Variants in MDGA2 observed in about 807,000 individuals in gnomAD.
MDGA2 encodes the protein MAM domain-containing glycosylphosphatidylinositol anchor protein 2.
Under a neutral mutation model 117.8 loss-of-function variants are expected in MDGA2, and 40 were observed. That is an observed-to-expected ratio of 0.34 (90% CI 0.26 to 0.44). The LOEUF (loss-of-function observed/expected upper bound fraction) is 0.44. Among genes scored for constraint, MDGA2 ranks in the 20% least tolerant of loss-of-function variants. The pLI, the probability that MDGA2 is intolerant of heterozygous loss-of-function variation, is 1.00. For missense variants in MDGA2, 1,123 were observed against 1,250.6 expected (o/e 0.90, Z 1.54); for synonymous variants, 452 against 439.0 (o/e 1.03, Z -0.37).
chr14:46,963,058 T>C (rs1885873057), intron 8 of MDGA2, among the ~76,000 whole-genome samples: 1 of 152,152 alleles, frequency 6.6e-6, no homozygotes, highest in South Asian at 2.1e-4. Flanking sequence ...TTTAGTACCA[T>C]TAAGGAATAT....
chr14:46,904,536 G>A (rs1883417580), intron 10 of MDGA2, among the ~76,000 whole-genome samples: 1 of 152,108 alleles, frequency 6.6e-6, no homozygotes, highest in African/African-American at 2.4e-5. Flanking sequence ...ATAAGGCTAA[G>A]TACTTTTATG....
chr14:47,186,407 C>G (rs1013982963), intron 3 of MDGA2, among the ~76,000 whole-genome samples: 18 of 151,782 alleles, frequency 1.2e-4, no homozygotes, highest in African/African-American at 4.1e-4. Flanking sequence ...TATTAAATAT[C>G]AAATTTCTTA....
chr14:47,156,608 G>A (rs1883399381), intron 3 of MDGA2, among the ~76,000 whole-genome samples: 1 of 152,172 alleles, frequency 6.6e-6, no homozygotes, highest in African/African-American at 2.4e-5. Flanking sequence ...CACAGCAGAA[G>A]CATGTTTTCC....
At chr14:47,181,643 T>A (rs1460191984) in intron 3 of MDGA2, among the ~76,000 whole-genome samples, 1 of 152,248 alleles carries the variant, frequency 6.6e-6, no homozygotes, top group Non-Finnish European at 1.5e-5. Flanking sequence ...GATTCATAGA[T>A]GAAAGTTCAT....
At position 47,596,757 on chromosome 14, in the gene MDGA2, T is replaced by C. The variant is rs140011831; in HGVS notation, c.280+77760A>G. Among the ~76,000 whole-genome samples, 687 of 152,344 alleles carry C rather than the reference T, an allele frequency of 4.5e-3. 3 individuals are homozygous for C. The highest frequency in any genetic ancestry group is 0.016 in the African/African-American group (649 of 41,578). On this transcript the variant is annotated intron_variant, in intron 1 of 16. Transcript: ENST00000399232. ...CATTCTGCTAAGTGGAGTGGTTTAT[T>C]TAATTTTTAAAATATCCTTGTGAGG...
intron 3 of MDGA2, among the ~76,000 whole-genome samples, chr14:47,157,571 T>G (rs1439728797): frequency 6.6e-6 from 1 of 151,426 alleles, no homozygotes; most frequent in Non-Finnish European, 1.5e-5. Context: ...ACAAAGGATA[T>G]AAATTTTTAA....
At chr14:46,850,813 A>G (rs1451753937) in intron 15 of MDGA2, among the ~76,000 whole-genome samples, 2 of 151,858 alleles carry the variant, frequency 1.3e-5, no homozygotes, top group East Asian at 3.9e-4. Flanking sequence ...CATTTCTAAT[A>G]TTAAATAATA....
chr14:46,948,944 G>A (rs8022970), intron 9 of MDGA2, among the ~76,000 whole-genome samples: 32,155 of 151,848 alleles, frequency 0.21, 4,942 homozygotes, highest in African/African-American at 0.44. Flanking sequence ...TGCCTTTTTG[G>A]AGGGGCATTT....
rs536867517 is a variant in MDGA2, at chr14:47,453,751, G to A, written c.281-152201C>T. On this transcript the variant is annotated intron_variant, in intron 1 of 16. Coordinates refer to ENST00000399232, the MANE Select transcript of MDGA2 (RefSeq NM_001113498.3). ...AGTTGTTTTAATTATAGAATTATCT[G>A]AAATTCTTTGTTAAGCTCTGAATAA... Among the ~76,000 whole-genome samples the A allele has an allele frequency of 3.3e-5, 5 of 152,280 alleles. No individual in the cohort carries two copies. The South Asian group carries it at 1.0e-3, about 32-fold the overall frequency.
intron 1 of MDGA2, among the ~76,000 whole-genome samples, chr14:47,644,564 G>C (rs998713842): frequency 6.6e-6 from 1 of 152,086 alleles, no homozygotes; most frequent in Non-Finnish European, 1.5e-5. Flanking sequence ...GTAGGAAGGA[G>C]AGGGAGAAGG....
intron 5 of MDGA2, among the ~76,000 whole-genome samples, chr14:47,128,398 T>C (rs1882013283): frequency 6.6e-6 from 1 of 152,098 alleles, no homozygotes; most frequent in Admixed American, 6.5e-5. Flanking sequence ...CCTCATTCCA[T>C]AGTAATTCTT....
chr14:47,216,368 C>T (rs1886089211), intron 3 of MDGA2, among the ~76,000 whole-genome samples: 1 of 152,098 alleles, frequency 6.6e-6, no homozygotes, highest in African/African-American at 2.4e-5. Context: ...ATATAGTATA[C>T]ATGCCATCTA....
At chr14:47,226,756 C>T (rs1291758211) in intron 2 of MDGA2, among the ~76,000 whole-genome samples, 11 of 152,114 alleles carry the variant, frequency 7.2e-5, no homozygotes, top group East Asian at 5.8e-4. Context: ...TATCAGAATT[C>T]GGTCTCTTTA....
Position 47,006,822 on chromosome 14 carries a change from A to T in MDGA2, c.1819+28189T>A, listed in dbSNP as rs547305694. On this transcript the variant is annotated intron_variant, in intron 8 of 16. Coordinates refer to ENST00000399232, the MANE Select transcript of MDGA2 (RefSeq NM_001113498.3). The stretch of plus-strand genomic sequence containing the variant: ...TTTAAACAGAGTTCCTGTGTCATAA[A>T]ATAACCCCCTAGGTCTCTCATTTTA... Among the ~76,000 whole-genome samples, 20 of 151,788 alleles carry T rather than the reference A, an allele frequency of 1.3e-4. No individual in the cohort carries two copies. In the South Asian group the frequency reaches 3.9e-3, roughly 30 times the overall value.
intron 6 of MDGA2, among the ~76,000 whole-genome samples, chr14:47,072,314 T>C (rs569838618): frequency 6.6e-6 from 1 of 152,138 alleles, no homozygotes; most frequent in Non-Finnish European, 1.5e-5. Context: ...GAAAATACAA[T>C]TTTTTAAGTG....
chr14:47,429,053 C>T (rs146451199), intron 1 of MDGA2, among the ~76,000 whole-genome samples: 5,604 of 151,954 alleles, frequency 0.037, 139 homozygotes, highest in Middle Eastern at 0.062. Context: ...GGTAAAACCC[C>T]GTCTCTACTA....
intron 1 of MDGA2, among the ~76,000 whole-genome samples, chr14:47,455,428 C>T (rs1313091315): frequency 6.6e-6 from 1 of 152,084 alleles, no homozygotes; most frequent in Non-Finnish European, 1.5e-5. Flanking sequence ...ATTGCTTGAA[C>T]CCAGGAGGCA....
In MDGA2 at chr14:47,398,476, T is replaced by G. The variant is rs1594836929; in HGVS notation, c.281-96926A>C. ...AAGAAAAAACTATTTTTTGGAGAGGTTGTTATGGGGATTATAGAAACTATA... is the reference window on the plus strand; with the variant it reads ...AAGAAAAAACTATTTTTTGGAGAGGGTGTTATGGGGATTATAGAAACTATA... On this transcript the variant is annotated intron_variant, in intron 1 of 16. Transcript: ENST00000399232. Among the ~76,000 whole-genome samples the G allele has an allele frequency of 2.6e-5, 4 of 152,192 alleles. No homozygotes were observed. In the South Asian group the frequency reaches 8.3e-4, roughly 32 times the overall value.
rs183347921 is a variant in MDGA2, at chr14:46,928,796, T to C, written c.2090-8636A>G. On this transcript the variant is annotated intron_variant, in intron 9 of 16. Coordinates refer to ENST00000399232, the MANE Select transcript of MDGA2 (RefSeq NM_001113498.3). ...CTTTGTTCTATGATAATTATTTACATCATAGTACTTAGCATTTAATTACAA... is the reference window on the plus strand; with the variant it reads ...CTTTGTTCTATGATAATTATTTACACCATAGTACTTAGCATTTAATTACAA... Among the ~76,000 whole-genome samples the C allele has an allele frequency of 8.5e-4, 130 of 152,328 alleles. 1 individual carries two copies. Among genetic ancestry groups the C allele is most frequent in the African/African-American group, 3.1e-3 (128 of 41,576 alleles).
Sources: gnomAD v4.1 joint callset for allele counts (sites outside exome capture counted in the v4.1 genomes callset) on GRCh38, gnomAD v4.1.1 for gene constraint, MANE v1.5 for transcripts, NCBI Gene and HGNC (gene_info 2026-07-23, HGNC 2026-07-21) for gene names.